The following IGF1R variants were observed in gnomAD, a reference collection of about 807,000 sequenced individuals.
The protein encoded by IGF1R is insulin like growth factor 1 receptor.
IGF1R carries 44 observed loss-of-function variants against 144.6 expected under a neutral mutation model. The ratio of observed to expected loss-of-function variants is 0.30; its 90% CI spans 0.24 to 0.39. The LOEUF (loss-of-function observed/expected upper bound fraction) is 0.39, where lower values mean the gene tolerates loss of function less well. Ranked by LOEUF, IGF1R falls within the 10% of genes least tolerant of loss-of-function variation. IGF1R has a pLI of 1.00. For missense variants in IGF1R, 1,355 were observed against 1,833.7 expected, an observed-to-expected ratio of 0.74 and a Z score of 4.77; for synonymous variants, 795 against 722.8, an observed-to-expected ratio of 1.10 and a Z score of -1.60.
At chr15:98,695,223 G>A (rs1253585349) in intron 1 of IGF1R, among the ~76,000 whole-genome samples, 2 of 152,190 alleles carry the variant, frequency 1.3e-5, no homozygotes, top group African/African-American at 4.8e-5. Context: ...TCCTTTACAT[G>A]TGGGTTATGA....
At position 98,891,620 on chromosome 15, in the gene IGF1R, C is replaced by T. The variant is rs766118129; in HGVS notation, c.936C>T (p.Ile312=). 3.1e-6 allele frequency: 5 copies of T among 1,601,360 alleles called. No homozygotes were observed. In the Admixed American group the frequency reaches 6.7e-5, roughly 21 times the overall value. Reference sequence around the variant, plus strand: ...TGCAGGAGTGCCCCTCGGGCTTCATCCGCAACGGCAGCCAGAGGTCAGTCG... The same window carrying T: ...TGCAGGAGTGCCCCTCGGGCTTCATTCGCAACGGCAGCCAGAGGTCAGTCG... ...ECMQECPSGF[I]RNGSQSMYCI... Residue 312 remains isoleucine, a synonymous_variant, in exon 3 of 21, where the codon ATC becomes ATT. Coordinates refer to ENST00000650285, the MANE Select transcript of IGF1R (RefSeq NM_000875.5). This position sits in a 1 kb window ranked among gnomAD's most constrained non-coding sequence, Gnocchi z 4.7.
intron 2 of IGF1R, chr15:98,873,840 T>C (rs1011358013): frequency 5.3e-5 from 8 of 152,198 alleles, no homozygotes; most frequent in African/African-American, 1.9e-4. Context: ...CCCTCAAAAT[T>C]GTTGCAAGTT....
chr15:98,678,880 T>G (rs553128972), intron 1 of IGF1R, among the ~76,000 whole-genome samples: 1 of 150,808 alleles, frequency 6.6e-6, no homozygotes. Flanking sequence ...CTTCCATGGG[T>G]GTTGGTCTGT....
intron 5 of IGF1R, among the ~76,000 whole-genome samples, chr15:98,906,210 A>G (rs949988157): frequency 6.6e-6 from 1 of 152,144 alleles, no homozygotes; most frequent in Non-Finnish European, 1.5e-5. Context: ...CGTGGGGGAG[A>G]AGAATGTTTT....
Position 98,891,208 on chromosome 15 carries a change from A to G in IGF1R, c.641-117A>G, listed in dbSNP as rs567473220. ...AGTGTGTTTTTGCATTGTCTCCTCA[A>G]TGAGTGATCTGGTGCTGGTGGTAGC... On this transcript the variant is annotated intron_variant, in intron 2 of 20. Transcript: ENST00000650285. This position sits in a 1 kb window ranked among gnomAD's most constrained non-coding sequence, Gnocchi z 4.7. The G allele has an allele frequency of 3.1e-5, 29 of 922,456 alleles. No homozygotes were observed. The highest frequency in any genetic ancestry group is 3.1e-4 in the Middle Eastern group (1 of 3,222). 57.1% of individuals were successfully genotyped at this position (922,456 alleles called of 1,614,324 possible). A position where few individuals can be genotyped will look rare whatever the true frequency, so the allele number is the denominator to read the frequency against.
In IGF1R at chr15:98,935,470, T is replaced by G; in HGVS notation, c.3297+44T>G. On this transcript the variant is annotated intron_variant, in intron 17 of 20. Coordinates refer to ENST00000650285, the MANE Select transcript of IGF1R (RefSeq NM_000875.5). This position sits in a 1 kb window ranked among gnomAD's most constrained non-coding sequence, Gnocchi z 4.2. Reference sequence around the variant, plus strand: ...CGGTATTGCATGTTGCCTGGCCTGCTCTCTTTTCCTTTATAATCTCCCTGC... The same window carrying G: ...CGGTATTGCATGTTGCCTGGCCTGCGCTCTTTTCCTTTATAATCTCCCTGC... 9.1e-7 allele frequency: 1 copy of G among 1,099,782 alleles called. No homozygotes were observed. 68.1% of individuals were successfully genotyped at this position (1,099,782 alleles called of 1,614,324 possible). A position where few individuals can be genotyped will look rare whatever the true frequency, so the allele number is the denominator to read the frequency against.
chr15:98,789,419 A>G (rs1335359354), intron 2 of IGF1R, among the ~76,000 whole-genome samples: 1 of 152,192 alleles, frequency 6.6e-6, no homozygotes, highest in East Asian at 1.9e-4. Flanking sequence ...TATGTTTCAA[A>G]AATAATCCAA....
intron 2 of IGF1R, among the ~76,000 whole-genome samples, chr15:98,883,197 C>A (rs149042956): frequency 2.0e-5 from 3 of 152,328 alleles, no homozygotes; most frequent in African/African-American, 2.4e-5. Flanking sequence ...CTTGAACTTT[C>A]TTTTGCCGTG....
At chr15:98,931,696 TAAAAAAAA>T (rs61131708) in intron 15 of IGF1R, among the ~76,000 whole-genome samples, 142,182 of 146,436 alleles carry the variant, frequency 0.97, 69,075 homozygotes, top group South Asian at 1. Flanking sequence ...TCTTTCCCTT[TAAAAAAAA>T]AAAAAAAAAA....
At chr15:98,755,567 C>T (rs1015113407) in intron 2 of IGF1R, among the ~76,000 whole-genome samples, 1 of 151,502 alleles carries the variant, frequency 6.6e-6, no homozygotes, top group African/African-American at 2.4e-5. Context: ...ATGGCAAAAC[C>T]CTGTCTCTAC....
At chr15:98,833,671 AAC>A (rs2057042273) in intron 2 of IGF1R, among the ~76,000 whole-genome samples, 1 of 152,268 alleles carries the variant, frequency 6.6e-6, no homozygotes, top group African/African-American at 2.4e-5. Context: ...ATGTAATAAT[AAC>A]ACAGATACCC....
chr15:98,938,897 T>A (rs1358543174), intron 17 of IGF1R, among the ~76,000 whole-genome samples: 1 of 152,214 alleles, frequency 6.6e-6, no homozygotes, highest in African/African-American at 2.4e-5. Flanking sequence ...AAAAATGGCT[T>A]GTTTCACTTT....
At chr15:98,952,715 G>A (rs1216124971) in intron 20 of IGF1R, 6 of 152,218 alleles carry the variant, frequency 3.9e-5, no homozygotes, top group African/African-American at 1.4e-4. Flanking sequence ...AACTGCCTGG[G>A]ACGCAGCCCC....
Position 98,957,793 on chromosome 15 carries a change from C to G in IGF1R, c.*351C>G, listed in dbSNP as rs576962850. ...TTTCTCTCTCCTCTCTGCTTCATAA[C>G]GGAAAAATAATTGCCACAAGTCCAG... On this transcript the variant is annotated 3_prime_UTR_variant, in exon 21 of 21. Transcript: ENST00000650285. The G allele has an allele frequency of 8.6e-6, 3 of 350,048 alleles. No homozygotes were observed. Among genetic ancestry groups the G allele is most frequent in the Non-Finnish European group, 1.6e-5 (3 of 190,866 alleles). 21.7% of individuals were successfully genotyped at this position (350,048 alleles called of 1,614,324 possible).
chr15:98,734,086 A>G (rs1296309007), intron 2 of IGF1R, among the ~76,000 whole-genome samples: 2 of 152,176 alleles, frequency 1.3e-5, no homozygotes, highest in African/African-American at 4.8e-5. Context: ...AAGAGCGCGC[A>G]TCGTATAAAT....
rs561886501 is a variant in IGF1R, at chr15:98,662,443, A to G, written c.94+12768A>G. On this transcript the variant is annotated intron_variant, in intron 1 of 20. Transcript: ENST00000650285. ...CTGACTGGTTCAAGGTCATGTCCCT[A>G]TCTGTGGAAGGGGAGTGGGAGTGGA... Among the ~76,000 whole-genome samples, 23 of 152,160 alleles carry G rather than the reference A, an allele frequency of 1.5e-4. No individual in the cohort carries two copies. The South Asian group carries it at 2.3e-3, about 15-fold the overall frequency.
At chr15:98,693,915 G>C (rs1171301419) in intron 1 of IGF1R, among the ~76,000 whole-genome samples, 1 of 152,100 alleles carries the variant, frequency 6.6e-6, no homozygotes, top group Non-Finnish European at 1.5e-5. Flanking sequence ...CTGACCTCCT[G>C]TCTTCTGTTT....
chr15:98,694,518 C>T (rs537486124), intron 1 of IGF1R, among the ~76,000 whole-genome samples: 2 of 152,074 alleles, frequency 1.3e-5, no homozygotes, highest in Admixed American at 6.5e-5. Flanking sequence ...GCCTCCAGCG[C>T]TCCTGGGCCA....
At chr15:98,848,096 C>T (rs2011403995) in intron 2 of IGF1R, among the ~76,000 whole-genome samples, 1 of 152,212 alleles carries the variant, frequency 6.6e-6, no homozygotes, top group African/African-American at 2.4e-5. Context: ...GCTAGTGACA[C>T]TCTGGAGCTG....
Sources: allele counts gnomAD v4.1 joint callset (sites outside exome capture counted in the v4.1 genomes callset), GRCh38; gene constraint gnomAD v4.1.1; non-coding constraint Gnocchi (gnomAD v3.1); transcripts MANE v1.5; gene names NCBI Gene and HGNC (gene_info 2026-07-23, HGNC 2026-07-21).